Variants in LILRA4 observed in about 807,000 individuals in gnomAD.
LILRA4 encodes leukocyte immunoglobulin like receptor A4.
LILRA4 carries 51 observed loss-of-function variants against 49.5 expected under a neutral mutation model. The ratio of observed to expected loss-of-function variants is 1.03; its 90% confidence interval spans 0.82 to 1.30. The LOEUF is 1.30. Ranked by LOEUF, LILRA4 falls within the 50% of genes most tolerant of loss-of-function variation. LILRA4 has a pLI of 0.00. For synonymous variants in LILRA4, 272 were observed against 265.6 expected (o/e 1.02, Z -0.23); for missense variants, 624 against 625.6 (o/e 1.00, Z 0.03).
At chr19:54,334,952 G>T (rs1040248962) in intron 6 of LILRA4, 2 of 151,618 alleles carry the variant, frequency 1.3e-5, no homozygotes, top group African/African-American at 4.9e-5. Context: ...TCCAGCCTGG[G>T]CGACAGAGTG....
chr19:54,336,777 A>G (rs758404504), intron 6 of LILRA4, 64 bp downstream of exon 6: 1 of 1,570,626 alleles, frequency 6.4e-7, no homozygotes. Flanking sequence ...CTCTCTTGGA[A>G]GCTCTCCTTT....
Position 54,338,212 on chromosome 19 carries a change from C to G in LILRA4, c.379G>C (p.Ala127Pro). The G allele has an allele frequency of 1.9e-6, 3 of 1,612,374 alleles. No homozygotes were observed. The highest frequency in any genetic ancestry group is 1.7e-6 in the Non-Finnish European group (2 of 1,178,778). The stretch of plus-strand genomic sequence containing the variant: ...GAGGTCACCACAGGGCTTGGCAGTG[C>G]GGACAGGGTGGGTCTGCTGTAGGCT... ...VTAYSRPTLS[A>P]LPSPVVTSGV... The change falls in exon 4 of 8, where the codon GCA (alanine) becomes CCA (proline). Residue 127 changes from alanine to proline, a missense_variant. By Grantham distance (27) the Ala-to-Pro change is conservative. Coordinates refer to ENST00000291759, the MANE Select transcript of LILRA4 (RefSeq NM_012276.5).
chr19:54,337,050 G>A lies in LILRA4; in HGVS notation c.1046C>T (p.Pro349Leu), dbSNP rs771876606. ...KVTLLCQSWD[P>L]MFTFLLTKEG... ...CTTGGTCAGAAGGAAAGTGAACATC[G>A]GGTCCCATGACTGACACAGCAGGGT... Residue 349 changes from proline to leucine, a missense_variant, in exon 6 of 8, where the codon CCG becomes CTG. Coordinates refer to ENST00000291759, the MANE Select transcript of LILRA4 (RefSeq NM_012276.5). 1.6e-5 allele frequency: 25 copies of A among 1,612,112 alleles called. No individual in the cohort carries two copies. Among genetic ancestry groups the A allele is most frequent in the African/African-American group, 9.5e-5 (7 of 73,640 alleles).
rs2081298814 is a variant in LILRA4 at position 54,334,027 on chromosome 19, A to G, written c.1256-62T>C. On this transcript the variant is annotated intron_variant, in intron 6 of 7. Transcript: ENST00000291759. Reference sequence around the variant, plus strand: ...GAAGAGCCTCTCCCCTGGGCAATGCATTCTTATATTCCTCCACCTCTCATG... The same window carrying G: ...GAAGAGCCTCTCCCCTGGGCAATGCGTTCTTATATTCCTCCACCTCTCATG... The G allele has an allele frequency of 3.8e-6, 5 of 1,304,718 alleles. No homozygotes were observed. In the Admixed American group the frequency reaches 6.8e-5, roughly 18 times the overall value. The allele number at this position is 1,304,718 out of a possible 1,614,324, so 80.8% of individuals were successfully genotyped here.
rs16985582 is a variant in LILRA4 at position 54,337,982 on chromosome 19, T to C, written c.609A>G (p.Pro203=). ...GGTCACTGGGTTCCGACCACACGTA[T>C]GGGGTGTTGTTTTCATAGCCGTAGC... ...FRCYGYENNT[P]YVWSEPSDPL... is the part of the protein sequence containing the mutation. The change falls in exon 4 of 8, where the codon CCA becomes CCG. Residue 203 remains proline (P), a synonymous_variant. Transcript: ENST00000291759. The C allele has an allele frequency of 2.8e-3, 4,536 of 1,613,600 alleles. 112 individuals are homozygous for C. In the African/African-American group the frequency reaches 0.053, roughly 19 times the overall value.
rs748802900 is a variant in LILRA4 at position 54,338,548 on chromosome 19, G to T, written c.203C>A (p.Ser68Ter). The change falls in exon 3 of 8, where the codon TCG becomes TAG. Residue 68 changes from serine (S) to a stop codon, truncating the protein, a stop_gained. Coordinates refer to ENST00000291759, the MANE Select transcript of LILRA4 (RefSeq NM_012276.5). LOFTEE classifies it high-confidence loss of function. The part of the protein sequence containing the change: ...YRLDKEGNSM[S>*]RHILKTLESE... ...CTCCAGTGTTTTTAATATGTGCCTC[G>T]ACATTGAGTTTCCCTCTTTATCCAG... 5.6e-6 allele frequency: 9 copies of T among 1,614,114 alleles called. No individual in the cohort carries two copies. Among genetic ancestry groups the T allele is most frequent in the Non-Finnish European group, 7.6e-6 (9 of 1,179,992 alleles).
Position 54,339,050 on chromosome 19 carries a change from A to G in LILRA4, c.34+10T>C. On this transcript the variant is annotated intron_variant, in intron 1 of 7. Transcript: ENST00000291759. ...GACTAGGGTCTCTCCTCCCCCTCTTAAGATCTCACCAAAGAAGAGCAGGCT... is the reference window on the plus strand; with the variant it reads ...GACTAGGGTCTCTCCTCCCCCTCTTGAGATCTCACCAAAGAAGAGCAGGCT... 6.2e-7 allele frequency: 1 copy of G among 1,614,040 alleles called. No homozygotes were observed.
chr19:54,335,320 C>G (rs1216559187), intron 6 of LILRA4: 1 of 152,266 alleles, frequency 6.6e-6, no homozygotes, highest in African/African-American at 2.4e-5. Flanking sequence ...AGCACCTCCC[C>G]CTTCTCTGTC....
At chr19:54,338,979 GC>G in intron 1 of LILRA4, 78 bp from the exon 2 acceptor site, 1 of 1,611,926 alleles carries the variant, frequency 6.2e-7, no homozygotes, top group Non-Finnish European at 8.5e-7. Context: ...CCCCTGGGAT[GC>G]CCTAATTGAC....
Position 54,338,781 on chromosome 19 carries a change from T to G in LILRA4, c.70+85A>C. ...TCATCCCCATCAGTCAGCCCAGAACTGCTGTCTTCACCCCCAGCTGCCCAG... is the reference window on the plus strand; with the variant it reads ...TCATCCCCATCAGTCAGCCCAGAACGGCTGTCTTCACCCCCAGCTGCCCAG... On this transcript the variant is annotated intron_variant, in intron 2 of 7. Transcript: ENST00000291759. 3.8e-6 allele frequency: 6 copies of G among 1,599,712 alleles called. No individual in the cohort carries two copies. The South Asian group carries it at 5.5e-5, about 15-fold the overall frequency.
rs112539021 is a variant in LILRA4, at chr19:54,333,616, C to T, written c.1456G>A (p.Asp486Asn). The change falls in exon 8 of 8, where the codon GAC (aspartate) becomes AAC (asparagine). Residue 486 changes from aspartate to asparagine, a missense_variant. Asp to Asn is a conservative substitution (Grantham distance 23). Coordinates refer to ENST00000291759, the MANE Select transcript of LILRA4 (RefSeq NM_012276.5). ...RCSQEANSRKDNAPFRVVEPW... is the reference protein window; with the variant it reads ...RCSQEANSRKNNAPFRVVEPW... ...TCCACCACTCTGAAGGGTGCATTGT[C>T]CTTTCTGCTGTTTGCCTCCTGGCTG... is the stretch of plus-strand genomic sequence containing the variant. 6.2e-7 allele frequency: 1 copy of T among 1,614,146 alleles called. No individual in the cohort carries two copies. The highest frequency in any genetic ancestry group is 8.5e-7 in the Non-Finnish European group (1 of 1,180,028).
At position 54,338,381 on chromosome 19, in the gene LILRA4, TGA is replaced by T. The variant is rs1569167145; in HGVS notation, c.355+13_355+14del. 1.9e-6 allele frequency: 3 copies of T among 1,613,584 alleles called. No homozygotes were observed. Among genetic ancestry groups the T allele is most frequent in the Admixed American group, 3.3e-5 (2 of 59,992 alleles). Reference sequence around the variant, plus strand: ...GGGCAGAGCCTGGGGCTGGGACCCCTGAGTGTCCTCTCACCTGTCACCACCAG... The same window carrying T: ...GGGCAGAGCCTGGGGCTGGGACCCCTGTGTCCTCTCACCTGTCACCACCAG... On this transcript the variant is annotated intron_variant, in intron 3 of 7. Coordinates refer to ENST00000291759, the MANE Select transcript of LILRA4 (RefSeq NM_012276.5).
chr19:54,335,890 T>C (rs2081318275), intron 6 of LILRA4: 1 of 152,238 alleles, frequency 6.6e-6, no homozygotes, highest in Non-Finnish European at 1.5e-5. Context: ...GTTTTTAAAG[T>C]ATATATGTAA....
Position 54,338,565 on chromosome 19 carries a change from T to C in LILRA4, c.186A>G (p.Lys62=). Residue 62 remains lysine, a synonymous_variant, in exon 3 of 8, where the codon AAA becomes AAG. Transcript: ENST00000291759. ...TLEAQGYRLD[K]EGNSMSRHIL... is the part of the protein sequence containing the mutation. Reference sequence around the variant, plus strand: ...TGTGCCTCGACATTGAGTTTCCCTCTTTATCCAGACGGTACCCCTGGGCCT... The same window carrying C: ...TGTGCCTCGACATTGAGTTTCCCTCCTTATCCAGACGGTACCCCTGGGCCT... 6.2e-7 allele frequency: 1 copy of C among 1,614,180 alleles called. No homozygotes were observed. Among genetic ancestry groups the C allele is most frequent in the South Asian group, 1.1e-5 (1 of 91,084 alleles).
chr19:54,337,896 T>C (rs1182496331), intron 4 of LILRA4, 40 bp downstream of exon 4: 1 of 1,573,108 alleles, frequency 6.4e-7, no homozygotes. Flanking sequence ...GCTCACCTGG[T>C]GCCCTGACTT....
In LILRA4 at chr19:54,339,085, G is replaced by A. The variant is rs760091456; in HGVS notation, c.9C>T (p.Leu3=). Residue 3 remains leucine (L), a synonymous_variant, in exon 1 of 8, where the codon CTC becomes CTT. Coordinates refer to ENST00000291759, the MANE Select transcript of LILRA4 (RefSeq NM_012276.5). MT[L]ILTSLLFFGL... ...CAAAGAAGAGCAGGCTTGTGAGAAT[G>A]AGGGTCATGGCATCTCCTCCTCCTG... 10 of 1,614,092 alleles carry A rather than the reference G, an allele frequency of 6.2e-6. No individual in the cohort carries two copies. In the East Asian group the frequency reaches 1.8e-4, roughly 29 times the overall value.
In LILRA4 at chr19:54,339,041, C is replaced by T. The variant is rs751052618; in HGVS notation, c.34+19G>A. ...TCTCTCCTAGACTAGGGTCTCTCCTCCCCCTCTTAAGATCTCACCAAAGAA... is the reference window on the plus strand; with the variant it reads ...TCTCTCCTAGACTAGGGTCTCTCCTTCCCCTCTTAAGATCTCACCAAAGAA... On this transcript the variant is annotated intron_variant, in intron 1 of 7. Coordinates refer to ENST00000291759, the MANE Select transcript of LILRA4 (RefSeq NM_012276.5). 1 of 1,614,034 alleles carries T rather than the reference C, an allele frequency of 6.2e-7. No homozygotes were observed. Among genetic ancestry groups the T allele is most frequent in the Admixed American group, 1.7e-5 (1 of 60,030 alleles).
chr19:54,336,898 T>G lies in LILRA4; in HGVS notation c.1198A>C (p.Ser400Arg). The G allele has an allele frequency of 6.2e-7, 1 of 1,614,222 alleles. No individual in the cohort carries two copies. The highest frequency in any genetic ancestry group is 1.1e-5 in the South Asian group (1 of 91,086). Residue 400 changes from serine (S) to arginine (R), a missense_variant, in exon 6 of 8, where the codon AGC becomes CGC. By Grantham distance (110) the Ser-to-Arg change is moderately radical (BLOSUM62 -1). Coordinates refer to ENST00000291759, the MANE Select transcript of LILRA4 (RefSeq NM_012276.5). ...TGAGACAGCAGGTAGGGGTTGGAGCTGCGTGAGCCGTAGCACCTGTAGGTC... is the reference window on the plus strand; with the variant it reads ...TGAGACAGCAGGTAGGGGTTGGAGCGGCGTGAGCCGTAGCACCTGTAGGTC... Reference protein sequence around the residue: ...AGTYRCYGSRSSNPYLLSHPS... With the variant: ...AGTYRCYGSRRSNPYLLSHPS...
rs770663877 is a variant in LILRA4, at chr19:54,333,890, TA to T, written c.1306+24del. 2.1e-5 allele frequency: 34 copies of T among 1,612,932 alleles called. No individual in the cohort carries two copies. The Middle Eastern group carries it at 5.0e-4, about 23-fold the overall frequency. On this transcript the variant is annotated intron_variant, in intron 7 of 7. Coordinates refer to ENST00000291759, the MANE Select transcript of LILRA4 (RefSeq NM_012276.5). Reference sequence around the variant, plus strand: ...ACCTGACCCTCTGTGCCCAGCCCCATAACTGGGAGAATCTCCTCACTCACCA... The same window carrying T: ...ACCTGACCCTCTGTGCCCAGCCCCATACTGGGAGAATCTCCTCACTCACCA...
Sources: gnomAD v4.1 joint callset for allele counts on GRCh38, gnomAD v4.1.1 for gene constraint, MANE v1.5 for transcripts, NCBI Gene and HGNC (gene_info 2026-07-23, HGNC 2026-07-21) for gene names.